The following PMP2 variants were observed in gnomAD, a reference collection of about 807,000 sequenced individuals.
PMP2 encodes myelin P2 protein.
A neutral mutation model predicts 15.9 loss-of-function variants in PMP2; 11 were observed. The observed-to-expected ratio is 0.69, with a 90% CI of 0.44 to 1.14. PMP2 has a LOEUF of 1.14. Among genes scored for constraint, PMP2 ranks in the 50% most tolerant of loss-of-function variants. PMP2 has a pLI of 0.00. For synonymous variants in PMP2, 55 were observed against 54.1 expected (o/e 1.02, Z -0.07); for missense variants, 151 against 154.0 (o/e 0.98, Z 0.10).
In PMP2 at chr8:81,441,268, T is replaced by C. The variant is rs10112249; in HGVS notation, c.*2130A>G. The C allele has an allele frequency of 0.24, 35,917 of 151,956 alleles. 5,584 individuals are homozygous for C. Among genetic ancestry groups the C allele is most frequent in the East Asian group, 0.74 (3,800 of 5,154 alleles). 9.4% of individuals were successfully genotyped at this position (151,956 alleles called of 1,614,324 possible). A position where few individuals can be genotyped will look rare whatever the true frequency, so the allele number is the denominator to read the frequency against. On this transcript the variant is annotated 3_prime_UTR_variant, in exon 4 of 4. Coordinates refer to ENST00000256103, the MANE Select transcript of PMP2 (RefSeq NM_002677.5). ...CAAGAGGTTGTCCATTTTTTTCCAT[T>C]GCATGGTTACTATTCTTTCCCCAGA...
chr8:81,442,957 C>T lies in PMP2; in HGVS notation c.*441G>A, dbSNP rs1807377585. On this transcript the variant is annotated 3_prime_UTR_variant, in exon 4 of 4. Coordinates refer to ENST00000256103, the MANE Select transcript of PMP2 (RefSeq NM_002677.5). ...TTTTAACTGAGACTACAATTCTTTA[C>T]ATTATAATAGCCCATTCTCCTAGCT... 1 of 152,766 alleles carries T rather than the reference C, an allele frequency of 6.5e-6. No individual in the cohort carries two copies. Among genetic ancestry groups the T allele is most frequent in the Non-Finnish European group, 1.5e-5 (1 of 68,468 alleles). The allele number at this position is 152,766 out of a possible 1,614,324, so 9.5% of individuals were successfully genotyped here.
chr8:81,445,033 A>T, intron 1 of PMP2, 44 bp from the exon 2 acceptor site: 1 of 1,556,368 alleles, frequency 6.4e-7, no homozygotes, highest in Non-Finnish European at 8.8e-7. Context: ...CCAAGAGAGC[A>T]TAGCCAAAGA....
Position 81,442,963 on chromosome 8 carries a change from A to C in PMP2, c.*435T>G, listed in dbSNP as rs1807377642. ...CTGAGACTACAATTCTTTACATTAT[A>C]ATAGCCCATTCTCCTAGCTTGCCTC... On this transcript the variant is annotated 3_prime_UTR_variant, in exon 4 of 4. Coordinates refer to ENST00000256103, the MANE Select transcript of PMP2 (RefSeq NM_002677.5). 1 of 153,198 alleles carries C rather than the reference A, an allele frequency of 6.5e-6. No individual in the cohort carries two copies. Among genetic ancestry groups the C allele is most frequent in the African/African-American group, 2.4e-5 (1 of 41,434 alleles). The allele number at this position is 153,198 out of a possible 1,614,324, so 9.5% of individuals were successfully genotyped here.
intron 1 of PMP2, among the ~76,000 whole-genome samples, chr8:81,446,063 T>G (rs2129712529): frequency 6.6e-6 from 1 of 152,302 alleles, no homozygotes; most frequent in South Asian, 2.1e-4. Flanking sequence ...GTTGAATAAC[T>G]TTTTCCAGTT....
chr8:81,445,016 A>G (rs1807423755), intron 1 of PMP2, 27 bp from the exon 2 acceptor site: 1 of 1,602,028 alleles, frequency 6.2e-7, no homozygotes, highest in Admixed American at 1.7e-5. Context: ...TGTTAGAATT[A>G]TGTTGACCAA....
rs1175029188 is a variant in PMP2 at position 81,441,436 on chromosome 8, T to C, written c.*1962A>G. The C allele has an allele frequency of 6.6e-6, 1 of 152,104 alleles. No individual in the cohort carries two copies. The highest frequency in any genetic ancestry group is 1.5e-5 in the Non-Finnish European group (1 of 67,966). 9.4% of individuals were successfully genotyped at this position (152,104 alleles called of 1,614,324 possible). A position where few individuals can be genotyped will look rare whatever the true frequency, so the allele number is the denominator to read the frequency against. On this transcript the variant is annotated 3_prime_UTR_variant, in exon 4 of 4. Transcript: ENST00000256103. ...ATTTACTGTGATGGTTGAAAAATGA[T>C]GGTTTTCCAATTCCAGAACTCCTTC...
Position 81,441,108 on chromosome 8 carries a change from G to T in PMP2, c.*2290C>A, listed in dbSNP as rs1807321631. The T allele has an allele frequency of 6.6e-6, 1 of 152,000 alleles. No homozygotes were observed. The highest frequency in any genetic ancestry group is 2.4e-5 in the African/African-American group (1 of 41,396). 9.4% of individuals were successfully genotyped at this position (152,000 alleles called of 1,614,324 possible). A position where few individuals can be genotyped will look rare whatever the true frequency, so the allele number is the denominator to read the frequency against. ...CTTCTATGACATTGACATTTTTGAA[G>T]AATTCAGTCAAAACCCCCTGTCGTT... On this transcript the variant is annotated 3_prime_UTR_variant, in exon 4 of 4. Transcript: ENST00000256103.
At chr8:81,445,720 G>C (rs1372454802) in intron 1 of PMP2, among the ~76,000 whole-genome samples, 1 of 152,010 alleles carries the variant, frequency 6.6e-6, no homozygotes, top group African/African-American at 2.4e-5. Context: ...TATACGTATT[G>C]TTCTATGATA....
At position 81,444,544 on chromosome 8, in the gene PMP2, C is replaced by T. The variant is rs1415846151; in HGVS notation, c.304G>A (p.Glu102Lys). ...LNQVQRWDGK[E>K]TTIKRKLVNG... The stretch of plus-strand genomic sequence containing the variant: ...ACTAGCTTTCTCTTTATGGTTGTCT[C>T]TTTGCCATCCCATCTCTGCACTTGA... Residue 102 changes from glutamate (E) to lysine (K), a missense_variant, in exon 3 of 4, where the codon GAG (glutamate) becomes AAG (lysine). Glu to Lys is a moderately conservative substitution (Grantham distance 56). Transcript: ENST00000256103. 2 of 1,613,956 alleles carry T rather than the reference C, an allele frequency of 1.2e-6. No homozygotes were observed. Among genetic ancestry groups the T allele is most frequent in the Non-Finnish European group, 1.7e-6 (2 of 1,179,944 alleles).
At position 81,443,390 on chromosome 8, in the gene PMP2, A is replaced by G. The variant is rs574758599; in HGVS notation, c.*8T>C. The G allele has an allele frequency of 6.3e-6, 10 of 1,583,656 alleles. 1 individual carries two copies. Among genetic ancestry groups the G allele is most frequent in the African/African-American group, 5.4e-5 (4 of 73,872 alleles). ...GATAAAAAGCCACTTCAATGAAGAA[A>G]TGATTTTTCAGACCTTCTCATAGAT... On this transcript the variant is annotated 3_prime_UTR_variant, in exon 4 of 4. Transcript: ENST00000256103.
chr8:81,447,403 T>C lies in PMP2; in HGVS notation c.-17A>G. 1 of 1,601,282 alleles carries C rather than the reference T, an allele frequency of 6.2e-7. No individual in the cohort carries two copies. Among genetic ancestry groups the C allele is most frequent in the Non-Finnish European group, 8.6e-7 (1 of 1,168,294 alleles). ...GTTGCTCATCGTGATGGGTGAGAGC[T>C]CAACACAGTTCTAAGTGGGATTCAG... On this transcript the variant is annotated 5_prime_UTR_variant, in exon 1 of 4. Coordinates refer to ENST00000256103, the MANE Select transcript of PMP2 (RefSeq NM_002677.5).
chr8:81,443,552 G>T, intron 3 of PMP2, 104 bp from the exon 4 acceptor site: 1 of 679,722 alleles, frequency 1.5e-6, no homozygotes, highest in South Asian at 2.1e-5. Flanking sequence ...GATTAATTTA[G>T]AAAGGAATAA....
Position 81,442,810 on chromosome 8 carries a change from C to T in PMP2, c.*588G>A, listed in dbSNP as rs1200376388. ...TGGGATGTGAGTTATATTTAACTCACATTTACCTGTCTATAAATTATCTGT... is the reference window on the plus strand; with the variant it reads ...TGGGATGTGAGTTATATTTAACTCATATTTACCTGTCTATAAATTATCTGT... On this transcript the variant is annotated 3_prime_UTR_variant, in exon 4 of 4. Coordinates refer to ENST00000256103, the MANE Select transcript of PMP2 (RefSeq NM_002677.5). 1 of 152,044 alleles carries T rather than the reference C, an allele frequency of 6.6e-6. No individual in the cohort carries two copies. Among genetic ancestry groups the T allele is most frequent in the Non-Finnish European group, 1.5e-5 (1 of 67,950 alleles). 9.4% of individuals were successfully genotyped at this position (152,044 alleles called of 1,614,324 possible). A position where few individuals can be genotyped will look rare whatever the true frequency, so the allele number is the denominator to read the frequency against.
Position 81,442,919 on chromosome 8 carries a change from T to C in PMP2, c.*479A>G, listed in dbSNP as rs146074356. 1 of 152,266 alleles carries C rather than the reference T, an allele frequency of 6.6e-6. No individual in the cohort carries two copies. Among genetic ancestry groups the C allele is most frequent in the African/African-American group, 2.4e-5 (1 of 41,536 alleles). 9.4% of individuals were successfully genotyped at this position (152,266 alleles called of 1,614,324 possible). Reference sequence around the variant, plus strand: ...ATTAATTTTAAAATGTTGGCTGGAGTAGAGGCTACCCCTTTTAACTGAGAC... The same window carrying C: ...ATTAATTTTAAAATGTTGGCTGGAGCAGAGGCTACCCCTTTTAACTGAGAC... On this transcript the variant is annotated 3_prime_UTR_variant, in exon 4 of 4. Transcript: ENST00000256103.
chr8:81,443,159 C>T lies in PMP2; in HGVS notation c.*239G>A, dbSNP rs1325439942. 1 of 369,972 alleles carries T rather than the reference C, an allele frequency of 2.7e-6. No homozygotes were observed. Among genetic ancestry groups the T allele is most frequent in the Non-Finnish European group, 4.8e-6 (1 of 209,022 alleles). The allele number at this position is 369,972 out of a possible 1,614,324, so 22.9% of individuals were successfully genotyped here. ...AATTTTGTAGTTAATTGAATGACAT[C>T]ATCAACTGTTTGTGTCTGGCCAATA... On this transcript the variant is annotated 3_prime_UTR_variant, in exon 4 of 4. Transcript: ENST00000256103.
chr8:81,443,498 C>T, intron 3 of PMP2, 50 bp from the exon 4 acceptor site: 1 of 1,158,996 alleles, frequency 8.6e-7, no homozygotes, highest in Non-Finnish European at 1.2e-6. Flanking sequence ...AACCAGAGAA[C>T]AGAAAATTTG....
rs1216244053 is a variant in PMP2 at position 81,441,437 on chromosome 8, G to C, written c.*1961C>G. 6.6e-6 allele frequency: 1 copy of C among 151,930 alleles called. No homozygotes were observed. Among genetic ancestry groups the C allele is most frequent in the African/African-American group, 2.4e-5 (1 of 41,374 alleles). 9.4% of individuals were successfully genotyped at this position (151,930 alleles called of 1,614,324 possible). Reference sequence around the variant, plus strand: ...TTTACTGTGATGGTTGAAAAATGATGGTTTTCCAATTCCAGAACTCCTTCC... The same window carrying C: ...TTTACTGTGATGGTTGAAAAATGATCGTTTTCCAATTCCAGAACTCCTTCC... On this transcript the variant is annotated 3_prime_UTR_variant, in exon 4 of 4. Transcript: ENST00000256103.
At chr8:81,446,240 T>A (rs1202752962) in intron 1 of PMP2, among the ~76,000 whole-genome samples, 4 of 152,178 alleles carry the variant, frequency 2.6e-5, no homozygotes, top group African/African-American at 9.7e-5. Flanking sequence ...AGCCTGAGAA[T>A]TTATATTTAC....
At chr8:81,447,438 ATAAAATGC>A in exon 1 of PMP2, 1 of 1,429,106 alleles carries the variant, frequency 7.0e-7, no homozygotes, top group Non-Finnish European at 9.9e-7. Context: ...GAAGACTCAG[ATAAAATGC>A]TGAGGCCTCA....
Sources: allele counts gnomAD v4.1 joint callset (sites outside exome capture counted in the v4.1 genomes callset), GRCh38; gene constraint gnomAD v4.1.1; transcripts MANE v1.5; gene names NCBI Gene and HGNC (gene_info 2026-07-23, HGNC 2026-07-21).